The following OLFM4 variants were observed in gnomAD, a reference collection of about 807,000 sequenced individuals.
OLFM4 encodes olfactomedin-4.
In OLFM4, 22 loss-of-function variants were observed where a neutral mutation model predicts 25.5. The ratio of observed to expected loss-of-function variants is 0.86; its 90% CI spans 0.62 to 1.23. OLFM4 has a LOEUF of 1.23. Ranked by LOEUF, OLFM4 falls within the 50% of genes most tolerant of loss-of-function variation. OLFM4 has a pLI of 0.00. For missense variants in OLFM4, 594 were observed against 619.4 expected (o/e 0.96, Z 0.44); for synonymous variants, 255 against 237.7 (o/e 1.07, Z -0.67).
intron 2 of OLFM4, among the ~76,000 whole-genome samples, chr13:53,039,168 G>A (rs897637317): frequency 2.6e-5 from 4 of 152,228 alleles, no homozygotes; most frequent in African/African-American, 9.7e-5. Flanking sequence ...GCTGCGATGT[G>A]CCACCAAAAT....
intron 4 of OLFM4, among the ~76,000 whole-genome samples, chr13:53,044,513 G>A (rs573784952): frequency 6.6e-6 from 1 of 152,248 alleles, no homozygotes; most frequent in South Asian, 2.1e-4. Context: ...AATAGGTATA[G>A]CCATAGATAT....
intron 1 of OLFM4, among the ~76,000 whole-genome samples, chr13:53,032,965 C>G (rs1259549402): frequency 6.6e-6 from 1 of 152,146 alleles, no homozygotes; most frequent in Non-Finnish European, 1.5e-5. Flanking sequence ...GCTCTGAAGA[C>G]CATTGCTGTC....
At chr13:53,043,741 C>A (rs1954700970) in intron 4 of OLFM4, among the ~76,000 whole-genome samples, 1 of 151,828 alleles carries the variant, frequency 6.6e-6, no homozygotes, top group Admixed American at 6.6e-5. Context: ...TTTCTTTTTT[C>A]TTCCTATAAA....
intron 4 of OLFM4, among the ~76,000 whole-genome samples, chr13:53,044,007 A>G (rs1954702116): frequency 6.6e-6 from 1 of 152,106 alleles, no homozygotes; most frequent in Admixed American, 6.6e-5. Flanking sequence ...TAGAATTCCA[A>G]AGACCTGAGC....
chr13:53,033,345 T>C (rs1038889566), intron 1 of OLFM4, among the ~76,000 whole-genome samples: 5 of 152,208 alleles, frequency 3.3e-5, no homozygotes, highest in African/African-American at 1.2e-4. Context: ...GCTATTCACT[T>C]TCTAACAAAT....
At chr13:53,043,463 G>A (rs1358746913) in intron 4 of OLFM4, among the ~76,000 whole-genome samples, 199 bp downstream of exon 4, 1 of 151,136 alleles carries the variant, frequency 6.6e-6, no homozygotes, top group East Asian at 2.0e-4. Flanking sequence ...CATATTCTGG[G>A]TTTCAAAGAG....
chr13:53,039,463 C>T (rs1022540920), intron 2 of OLFM4, among the ~76,000 whole-genome samples: 1 of 152,000 alleles, frequency 6.6e-6, no homozygotes, highest in African/African-American at 2.4e-5. Flanking sequence ...TGAAAAATTT[C>T]ACGGAAAAAA....
rs939790356 is a variant in OLFM4 at position 53,034,579 on chromosome 13, A to C, written c.357+79A>C. On this transcript the variant is annotated intron_variant, in intron 2 of 4. Coordinates refer to ENST00000219022, the MANE Select transcript of OLFM4 (RefSeq NM_006418.5). Reference sequence around the variant, plus strand: ...TGTTTTAATTTAGGATTTTATAAGCAATCATTCTTCACTATCAAAGACATC... The same window carrying C: ...TGTTTTAATTTAGGATTTTATAAGCCATCATTCTTCACTATCAAAGACATC... The C allele has an allele frequency of 1.2e-5, 15 of 1,280,564 alleles. No individual in the cohort carries two copies. The African/African-American group carries it at 2.2e-4, about 19-fold the overall frequency. 79.3% of individuals were successfully genotyped at this position (1,280,564 alleles called of 1,614,324 possible). A position where few individuals can be genotyped will look rare whatever the true frequency, so the allele number is the denominator to read the frequency against.
At chr13:53,034,991 C>T (rs760082513) in intron 2 of OLFM4, among the ~76,000 whole-genome samples, 5 of 151,914 alleles carry the variant, frequency 3.3e-5, no homozygotes. Flanking sequence ...TCAATCCTTG[C>T]CCTTATTCAT....
At chr13:53,036,900 G>A (rs571325786) in intron 2 of OLFM4, among the ~76,000 whole-genome samples, 1 of 152,322 alleles carries the variant, frequency 6.6e-6, no homozygotes, top group East Asian at 1.9e-4. Flanking sequence ...AGCCAGGTCA[G>A]AATTCGAGTC....
chr13:53,038,625 A>T (rs767554616), intron 2 of OLFM4, among the ~76,000 whole-genome samples: 1 of 152,340 alleles, frequency 6.6e-6, no homozygotes, highest in African/African-American at 2.4e-5. Context: ...ATAGACAAAA[A>T]TGTTATGCAG....
At chr13:53,036,748 G>A (rs1954661072) in intron 2 of OLFM4, among the ~76,000 whole-genome samples, 1 of 152,188 alleles carries the variant, frequency 6.6e-6, no homozygotes, top group Non-Finnish European at 1.5e-5. Context: ...TTTTTCAAAT[G>A]CTTCCAGTTC....
chr13:53,049,665 C>G (rs2138243406), intron 4 of OLFM4, among the ~76,000 whole-genome samples: 1 of 152,356 alleles, frequency 6.6e-6, no homozygotes, highest in South Asian at 2.1e-4. Context: ...TCCCTTTCCT[C>G]TCTCTGGGCC....
chr13:53,050,408 T>G lies in OLFM4; in HGVS notation c.1170T>G (p.Asn390Lys), dbSNP rs1954740712. The change falls in exon 5 of 5, where the codon AAT becomes AAG. Residue 390 changes from asparagine to lysine, a missense_variant. Asn to Lys is a moderately conservative substitution (Grantham distance 94). Transcript: ENST00000219022. ...WQDIDFAVDENGLWVIYSTEA... is the reference protein window; with the variant it reads ...WQDIDFAVDEKGLWVIYSTEA... Reference sequence around the variant, plus strand: ...ATATTGACTTTGCTGTGGATGAGAATGGATTGTGGGTTATTTATTCAACTG... The same window carrying G: ...ATATTGACTTTGCTGTGGATGAGAAGGGATTGTGGGTTATTTATTCAACTG... 2 of 1,614,064 alleles carry G rather than the reference T, an allele frequency of 1.2e-6. No individual in the cohort carries two copies. Among genetic ancestry groups the G allele is most frequent in the South Asian group, 2.2e-5 (2 of 91,068 alleles).
chr13:53,034,553 G>A (rs1954647926), intron 2 of OLFM4, 53 bp downstream of exon 2: 11 of 1,477,590 alleles, frequency 7.4e-6, no homozygotes, highest in South Asian at 6.3e-5. Context: ...AAAACAAAAT[G>A]TGTTTTAATT....
At chr13:53,048,620 C>T (rs1483856373) in intron 4 of OLFM4, among the ~76,000 whole-genome samples, 1 of 152,156 alleles carries the variant, frequency 6.6e-6, no homozygotes, top group Non-Finnish European at 1.5e-5. Flanking sequence ...GAGACAAAGG[C>T]TTTGCTCCCC....
chr13:53,029,535 C>T (rs1195196955), intron 1 of OLFM4, among the ~76,000 whole-genome samples: 1 of 152,152 alleles, frequency 6.6e-6, no homozygotes, highest in East Asian at 1.9e-4. Flanking sequence ...TGAACAGTAG[C>T]CCTCGAGGGA....
intron 2 of OLFM4, among the ~76,000 whole-genome samples, chr13:53,036,881 G>A (rs1954661723): frequency 6.6e-6 from 1 of 152,170 alleles, no homozygotes; most frequent in African/African-American, 2.4e-5. Context: ...TTCCTCTCTT[G>A]GCTGGTTAAG....
Position 53,051,477 on chromosome 13 carries a change from T to G in OLFM4, c.*706T>G, listed in dbSNP as rs1490696880. On this transcript the variant is annotated 3_prime_UTR_variant, in exon 5 of 5. Coordinates refer to ENST00000219022, the MANE Select transcript of OLFM4 (RefSeq NM_006418.5). ...CACCTTACTAAAAGTCAGTAGAATC[T>G]TCTACCTCATAACTTCCTTCCAAAG... The G allele has an allele frequency of 6.6e-6, 1 of 152,130 alleles. No individual in the cohort carries two copies. Among genetic ancestry groups the G allele is most frequent in the Non-Finnish European group, 1.5e-5 (1 of 68,026 alleles). The allele number at this position is 152,130 out of a possible 1,614,324, so 9.4% of individuals were successfully genotyped here.
Sources: allele counts gnomAD v4.1 joint callset (sites outside exome capture counted in the v4.1 genomes callset), GRCh38; gene constraint gnomAD v4.1.1; transcripts MANE v1.5; gene names NCBI Gene and HGNC (gene_info 2026-07-23, HGNC 2026-07-21).